Variants in MRTFB observed in about 807,000 individuals in gnomAD.
MRTFB encodes myocardin-related transcription factor B.
A neutral mutation model predicts 104.2 loss-of-function variants in MRTFB; 29 were observed. The ratio of observed to expected loss-of-function variants is 0.28; its 90% CI spans 0.21 to 0.38. The LOEUF (loss-of-function observed/expected upper bound fraction) is 0.38. MRTFB is among the 10% of genes least tolerant of loss of function. The pLI is 1.00. For missense variants in MRTFB, 1,270 were observed against 1,341.6 expected (o/e 0.95, Z 0.83); for synonymous variants, 535 against 519.5 (o/e 1.03, Z -0.41).
At chr16:14,031,876 C>T in the MRTFB span, among the ~76,000 whole-genome samples, 1 of 152,132 alleles carries the variant, frequency 6.6e-6, no homozygotes, top group African/African-American at 2.4e-5. Context: ...GGCATGATCT[C>T]GGCTCTCTGC....
At chr16:14,228,596 C>G (rs2042115963) in intron 8 of MRTFB, among the ~76,000 whole-genome samples, 1 of 150,766 alleles carries the variant, frequency 6.6e-6, no homozygotes. Flanking sequence ...AAATAGAAAA[C>G]AGAAGTTAGA....
intron 3 of MRTFB, among the ~76,000 whole-genome samples, chr16:14,176,963 G>C (rs1184044084): frequency 6.6e-6 from 1 of 152,200 alleles, no homozygotes; most frequent in Non-Finnish European, 1.5e-5. Flanking sequence ...CATCTGGAAG[G>C]CTTCTGAAAG....
chr16:14,099,327 T>C (rs1248634427), intron 2 of MRTFB, among the ~76,000 whole-genome samples: 2 of 151,888 alleles, frequency 1.3e-5, no homozygotes, highest in South Asian at 2.1e-4. Flanking sequence ...TTTGGTGTTA[T>C]TAAAATAGTA....
At chr16:14,146,540 C>G (rs536589007) in intron 3 of MRTFB, among the ~76,000 whole-genome samples, 64 of 152,292 alleles carry the variant, frequency 4.2e-4, no homozygotes, top group African/African-American at 1.3e-3. Flanking sequence ...TTGCTGCACA[C>G]AAGAGAACCC....
the MRTFB span, among the ~76,000 whole-genome samples, chr16:14,016,773 CAAAAAAAAAAA>C: frequency 6.6e-5 from 4 of 60,458 alleles, no homozygotes; most frequent in African/African-American, 2.6e-4. Context: ...AACTCTGCCT[CAAAAAAAAAAA>C]AAAAAAAAAA....
chr16:14,114,745 C>A (rs1413775673), intron 2 of MRTFB, among the ~76,000 whole-genome samples: 1 of 152,128 alleles, frequency 6.6e-6, no homozygotes, highest in Non-Finnish European at 1.5e-5. Flanking sequence ...TTGTAGATTC[C>A]TTTCTAGTGC....
intron 3 of MRTFB, among the ~76,000 whole-genome samples, chr16:14,183,224 ATG>A (rs1193121601): frequency 2.0e-5 from 3 of 152,190 alleles, no homozygotes; most frequent in Admixed American, 6.5e-5. Context: ...CCTGTTGAAA[ATG>A]TATCACCAGA....
chr16:14,063,146 G>A, the MRTFB span, among the ~76,000 whole-genome samples: 2 of 152,128 alleles, frequency 1.3e-5, no homozygotes, highest in Non-Finnish European at 2.9e-5. Flanking sequence ...CACTGGGTGC[G>A]GCAGAGGTGG....
the MRTFB span, among the ~76,000 whole-genome samples, chr16:14,008,534 C>G: frequency 1.3e-5 from 2 of 152,202 alleles, no homozygotes; most frequent in African/African-American, 4.8e-5. Context: ...CAAGCCTAGT[C>G]AAGTGATCTA....
intron 2 of MRTFB, among the ~76,000 whole-genome samples, chr16:14,135,128 T>C (rs563089819): frequency 6.6e-6 from 1 of 152,340 alleles, no homozygotes; most frequent in East Asian, 1.9e-4. Context: ...GACCTGTAGT[T>C]TCTCCAAGTG....
chr16:14,245,089 A>C (rs1450238541), intron 10 of MRTFB, among the ~76,000 whole-genome samples: 1 of 152,138 alleles, frequency 6.6e-6, no homozygotes, highest in East Asian at 1.9e-4. Flanking sequence ...CCCTCTCTCC[A>C]CTACATCACA....
chr16:14,096,431 C>G (rs1003230738), intron 2 of MRTFB, among the ~76,000 whole-genome samples: 2 of 152,144 alleles, frequency 1.3e-5, no homozygotes, highest in African/African-American at 2.4e-5. Flanking sequence ...GCACGTGTCA[C>G]CAGCAGTTAG....
the MRTFB span, among the ~76,000 whole-genome samples, chr16:14,030,000 GA>G: frequency 6.6e-6 from 1 of 151,896 alleles, no homozygotes; most frequent in Non-Finnish European, 1.5e-5. Context: ...TGGGCATGGG[GA>G]GGGGGGAGGG....
the MRTFB span, among the ~76,000 whole-genome samples, chr16:14,017,713 T>TATATATA: frequency 1.6e-3 from 15 of 9,446 alleles, 1 homozygote; most frequent in South Asian, 8.5e-3. Flanking sequence ...ATATATATAT[T>TATATATA]TTTTTTTTTT....
rs147299433 is a variant in MRTFB at position 14,210,779 on chromosome 16, C to T, written c.220+471C>T. ...GTATCTCAGTTACAGGACTGATAAA[C>T]ATTCCATTTATAATTCATATTTTTG... is the stretch of plus-strand genomic sequence containing the variant. On this transcript the variant is annotated intron_variant, in intron 4 of 16. Transcript: ENST00000571589. 5.6e-4 allele frequency among the ~76,000 whole-genome samples: 86 copies of T among 152,314 alleles called. 1 individual carries two copies. Among genetic ancestry groups the T allele is most frequent in the African/African-American group, 2.0e-3 (84 of 41,566 alleles).
At chr16:14,017,760 G>A in the MRTFB span, among the ~76,000 whole-genome samples, 398 of 123,724 alleles carry the variant, frequency 3.2e-3, 2 homozygotes, top group African/African-American at 0.012. Flanking sequence ...TCTTTCTCCC[G>A]GGCTAGAGTG....
At chr16:14,238,935 G>A (rs898106429) in intron 9 of MRTFB, among the ~76,000 whole-genome samples, 12 of 152,182 alleles carry the variant, frequency 7.9e-5, no homozygotes, top group African/African-American at 2.7e-4. Context: ...GGGCTCAGAG[G>A]GCAGATTATA....
chr16:14,194,214 C>A (rs1469141194), intron 3 of MRTFB, among the ~76,000 whole-genome samples: 1 of 152,170 alleles, frequency 6.6e-6, no homozygotes, highest in East Asian at 1.9e-4. Context: ...TAACAAAATA[C>A]CGGTGGACTA....
chr16:14,034,826 A>G, the MRTFB span, among the ~76,000 whole-genome samples: 15 of 152,164 alleles, frequency 9.9e-5, no homozygotes, highest in African/African-American at 3.1e-4. Flanking sequence ...GGACTTCACC[A>G]TCTCTTGTGA....
Sources: allele counts gnomAD v4.1 joint callset (sites outside exome capture counted in the v4.1 genomes callset), GRCh38; gene constraint gnomAD v4.1.1; transcripts MANE v1.5; gene names NCBI Gene and HGNC (gene_info 2026-07-23, HGNC 2026-07-21).